Variants in PDE4D observed in about 807,000 individuals in gnomAD.
The protein encoded by PDE4D is phosphodiesterase 4D.
In PDE4D, 24 loss-of-function variants were observed where a neutral mutation model predicts 87.4. That is an observed-to-expected ratio of 0.27 (90% confidence interval 0.20 to 0.39). The LOEUF is 0.39. PDE4D is among the 10% of genes least tolerant of loss of function. The probability of loss-of-function intolerance (pLI) is 1.00; values close to 1 mark genes in which losing one functional copy is unlikely to be tolerated. For missense variants in PDE4D, 714 were observed against 1,041.0 expected (o/e 0.69, Z 4.32); for synonymous variants, 384 against 383.2 (o/e 1.00, Z -0.02).
At chr5:59,349,624 C>T (rs1299774173) in intron 1 of PDE4D, among the ~76,000 whole-genome samples, 1 of 152,064 alleles carries the variant, frequency 6.6e-6, no homozygotes, top group Admixed American at 6.6e-5. Context: ...CATAAATATT[C>T]ATACCTATTA....
intron 1 of PDE4D, among the ~76,000 whole-genome samples, chr5:59,463,965 G>A (rs201545227): frequency 1.1e-3 from 148 of 138,768 alleles, no homozygotes; most frequent in African/African-American, 2.6e-3. Flanking sequence ...ACTCAGGGTT[G>A]AATGGATTAA....
chr5:59,399,849 T>C (rs1231640540), intron 1 of PDE4D, among the ~76,000 whole-genome samples: 3 of 112,416 alleles, frequency 2.7e-5, no homozygotes, highest in African/African-American at 1.1e-4. Context: ...AAATGGCTAA[T>C]ATCCAGAATC....
At chr5:60,448,989 T>C (rs1745869683) in intron 1 of PDE4D, among the ~76,000 whole-genome samples, 1 of 151,866 alleles carries the variant, frequency 6.6e-6, no homozygotes, top group Non-Finnish European at 1.5e-5. Context: ...TAGTAGAAAA[T>C]ATTTTTAAGT....
chr5:59,719,209 G>GA (rs111515916), intron 1 of PDE4D, among the ~76,000 whole-genome samples: 4 of 150,568 alleles, frequency 2.7e-5, no homozygotes, highest in Admixed American at 6.6e-5. Context: ...CTCTCCAGGA[G>GA]AAAAAAAAAG....
intron 1 of PDE4D, among the ~76,000 whole-genome samples, chr5:59,357,980 T>C (rs1362884039): frequency 2.0e-5 from 3 of 152,192 alleles, no homozygotes; most frequent in Non-Finnish European, 4.4e-5. Context: ...CTCTCTGAAC[T>C]GGACAAAATT....
At chr5:60,507,307 T>C (rs1383817987) in intron 1 of PDE4D, among the ~76,000 whole-genome samples, 2 of 152,196 alleles carry the variant, frequency 1.3e-5, no homozygotes, top group South Asian at 4.1e-4. Flanking sequence ...ACTCCTGACC[T>C]CAGGCGATCC....
At chr5:59,812,604 C>T (rs139684194) in intron 1 of PDE4D, among the ~76,000 whole-genome samples, 8,648 of 151,556 alleles carry the variant, frequency 0.057, 351 homozygotes, top group Middle Eastern at 0.12. Context: ...ACCTGGGAGG[C>T]GGACGTTGCA....
intron 1 of PDE4D, among the ~76,000 whole-genome samples, chr5:59,545,827 G>GA (rs201924020): frequency 8.6e-5 from 13 of 151,126 alleles, no homozygotes; most frequent in African/African-American, 2.9e-4. Context: ...AATCTTTGAA[G>GA]AAAAAAAAAT....
At chr5:60,414,965 A>G (rs1742360554) in intron 1 of PDE4D, among the ~76,000 whole-genome samples, 1 of 152,236 alleles carries the variant, frequency 6.6e-6, no homozygotes, top group African/African-American at 2.4e-5. Flanking sequence ...TTTGAGTCTT[A>G]GGGTAATCAT....
intron 2 of PDE4D, among the ~76,000 whole-genome samples, chr5:60,106,771 C>A (rs1244447004): frequency 6.6e-6 from 1 of 151,972 alleles, no homozygotes; most frequent in Non-Finnish European, 1.5e-5. Context: ...GGGTACATAA[C>A]GAAATGAAGG....
intron 1 of PDE4D, chr5:60,460,474 G>A: frequency 2.0e-6 from 3 of 1,530,890 alleles, no homozygotes; most frequent in Non-Finnish European, 2.7e-6. Flanking sequence ...TGGGATTTTG[G>A]CGATCAATTC....
intron 1 of PDE4D, among the ~76,000 whole-genome samples, chr5:60,513,725 T>C (rs941475342): frequency 6.6e-6 from 1 of 151,886 alleles, no homozygotes; most frequent in African/African-American, 2.4e-5. Flanking sequence ...ATAAAGAACA[T>C]GTAGCTCAAA....
chr5:60,026,292 C>T (rs982334226), intron 2 of PDE4D, among the ~76,000 whole-genome samples: 3 of 152,032 alleles, frequency 2.0e-5, no homozygotes, highest in African/African-American at 4.8e-5. Flanking sequence ...TTTAGTCCAC[C>T]CAGACAAGTA....
intron 3 of PDE4D, among the ~76,000 whole-genome samples, chr5:59,960,578 T>TTGAA (rs755358073): frequency 2.9e-4 from 44 of 152,234 alleles, no homozygotes; most frequent in Non-Finnish European, 3.7e-4. Context: ...CCATAAGCCA[T>TTGAA]TGAATGAATG....
At chr5:59,720,606 C>G (rs1352071482) in intron 1 of PDE4D, among the ~76,000 whole-genome samples, 2 of 152,056 alleles carry the variant, frequency 1.3e-5, no homozygotes, top group African/African-American at 4.8e-5. Flanking sequence ...AATAAGAGAG[C>G]ATGAAACACA....
At chr5:60,026,257 AC>A (rs1314086201) in intron 2 of PDE4D, among the ~76,000 whole-genome samples, 3 of 152,190 alleles carry the variant, frequency 2.0e-5, no homozygotes, top group Non-Finnish European at 1.5e-5. Flanking sequence ...AACAACAGCA[AC>A]AAAAACAGTG....
intron 1 of PDE4D, among the ~76,000 whole-genome samples, chr5:60,444,506 T>C (rs774930443): frequency 2.0e-5 from 3 of 151,930 alleles, no homozygotes; most frequent in African/African-American, 7.3e-5. Flanking sequence ...AGTACAGTGG[T>C]TAAAAATAAA....
chr5:59,303,246 T>A (rs1770627085), intron 1 of PDE4D, among the ~76,000 whole-genome samples: 1 of 152,202 alleles, frequency 6.6e-6, no homozygotes, highest in South Asian at 2.1e-4. Flanking sequence ...GTTTGTTTTT[T>A]TCTTACTGAT....
intron 1 of PDE4D, among the ~76,000 whole-genome samples, chr5:59,407,153 T>C (rs962896358): frequency 6.6e-6 from 1 of 152,202 alleles, no homozygotes; most frequent in Non-Finnish European, 1.5e-5. Context: ...GTCTGAGTCA[T>C]GGGAGTGGTT....
Sources: allele counts gnomAD v4.1 joint callset (sites outside exome capture counted in the v4.1 genomes callset), GRCh38; gene constraint gnomAD v4.1.1; transcripts MANE v1.5; gene names NCBI Gene and HGNC (gene_info 2026-07-23, HGNC 2026-07-21).